ARRB1: variants seen among roughly 807,000 people sequenced by gnomAD.
ARRB1 encodes the protein beta-arrestin-1.
In ARRB1, 21 loss-of-function variants were observed where a neutral mutation model predicts 56.8. That is an observed-to-expected ratio of 0.37 (90% CI 0.26 to 0.53). ARRB1 has a LOEUF of 0.53. Among genes scored for constraint, ARRB1 ranks in the 20% least tolerant of loss-of-function variants. ARRB1 has a pLI of 0.88. For missense variants in ARRB1, 424 were observed against 553.7 expected (o/e 0.77, Z 2.35); for synonymous variants, 210 against 218.6 (o/e 0.96, Z 0.35).
chr11:75,283,447 C>T lies in ARRB1; in HGVS notation c.194G>A (p.Arg65Gln), dbSNP rs373743647. The T allele has an allele frequency of 1.2e-5, 20 of 1,613,638 alleles. No homozygotes were observed. The highest frequency in any genetic ancestry group is 1.5e-5 in the Non-Finnish European group (18 of 1,179,700). The change falls in exon 5 of 16, where the codon CGG (arginine) becomes CAG (glutamine). Residue 65 changes from arginine to glutamine, a missense_variant. Transcript: ENST00000420843. ...CAGGCCCAGGACATCCAGGTCCTCC[C>T]GGCCATAGCGGAAGGCGCAGGTCAG... ...VTLTCAFRYG[R>Q]EDLDVLGLTF...
intron 13 of ARRB1, among the ~76,000 whole-genome samples, chr11:75,269,368 C>G (rs944504474): frequency 2.6e-5 from 4 of 152,126 alleles, no homozygotes; most frequent in African/African-American, 9.7e-5. Context: ...ACTTCCAGGT[C>G]GGAGCTCCTC....
intron 5 of ARRB1, among the ~76,000 whole-genome samples, chr11:75,282,449 G>A (rs1183964408): frequency 6.6e-6 from 1 of 152,184 alleles, no homozygotes; most frequent in East Asian, 1.9e-4. Context: ...GTGGAAGCAG[G>A]GGGCAGAAAT....
At chr11:75,323,957 G>A (rs1947387362) in intron 1 of ARRB1, among the ~76,000 whole-genome samples, 1 of 151,984 alleles carries the variant, frequency 6.6e-6, no homozygotes, top group Non-Finnish European at 1.5e-5. Flanking sequence ...AATAGCATAG[G>A]AGATACTGAA....
At chr11:75,337,822 C>T (rs1391510259) in intron 1 of ARRB1, among the ~76,000 whole-genome samples, 3 of 91,012 alleles carry the variant, frequency 3.3e-5, no homozygotes, top group African/African-American at 4.3e-5. Context: ...TTTTTTGAGA[C>T]GGAGATTCAC....
chr11:75,339,370 G>T (rs1234638247), intron 1 of ARRB1, among the ~76,000 whole-genome samples: 2 of 152,208 alleles, frequency 1.3e-5, no homozygotes, highest in Non-Finnish European at 2.9e-5. Context: ...ATGCCCTGTG[G>T]CAGAACTTTC....
intron 1 of ARRB1, among the ~76,000 whole-genome samples, chr11:75,311,477 T>C (rs687652): frequency 0.21 from 32,625 of 152,162 alleles, 3,809 homozygotes; most frequent in African/African-American, 0.31. Flanking sequence ...TGAAGCACAA[T>C]GAAGAGTTTG....
At chr11:75,346,743 G>C (rs1565150107) in intron 1 of ARRB1, among the ~76,000 whole-genome samples, 1 of 152,122 alleles carries the variant, frequency 6.6e-6, no homozygotes, top group Non-Finnish European at 1.5e-5. Context: ...AGGCACTGGT[G>C]CTCTCCAAGG....
chr11:75,319,777 C>T (rs550993798), intron 1 of ARRB1, among the ~76,000 whole-genome samples: 35 of 152,230 alleles, frequency 2.3e-4, no homozygotes, highest in African/African-American at 7.9e-4. Flanking sequence ...GGAAAGGGAC[C>T]GTAAGGGTCC....
chr11:75,324,105 A>C (rs1446887538), intron 1 of ARRB1, among the ~76,000 whole-genome samples: 2 of 152,202 alleles, frequency 1.3e-5, no homozygotes, highest in African/African-American at 4.8e-5. Flanking sequence ...TAAATGATGA[A>C]ATTCTGGATG....
At chr11:75,340,299 CCA>C (rs890470283) in intron 1 of ARRB1, among the ~76,000 whole-genome samples, 29 of 152,194 alleles carry the variant, frequency 1.9e-4, no homozygotes, top group African/African-American at 6.5e-4. Context: ...AGAGCCAACC[CCA>C]GAGGCCTGCA....
chr11:75,284,316 C>T lies in ARRB1; in HGVS notation c.113-37G>A, dbSNP rs146908421. On this transcript the variant is annotated intron_variant, in intron 3 of 15. Transcript: ENST00000420843. ...ACAGAGAGTAAGCGGCCTCTCCCAACCTGGTCTCCCAAACCTCTGTGCCCC... is the reference window on the plus strand; with the variant it reads ...ACAGAGAGTAAGCGGCCTCTCCCAATCTGGTCTCCCAAACCTCTGTGCCCC... 2.9e-4 allele frequency: 457 copies of T among 1,580,114 alleles called. 1 individual carries two copies. The African/African-American group carries it at 5.6e-3, about 19-fold the overall frequency.
rs754534304 is a variant in ARRB1 at position 75,312,187 on chromosome 11, C to T, written c.21-22148G>A. On this transcript the variant is annotated intron_variant, in intron 1 of 15. Coordinates refer to ENST00000420843, the MANE Select transcript of ARRB1 (RefSeq NM_004041.5). ...CCTCCCCGGGGAGTGGTGAGCTCAG[C>T]CTTTCCCAGCAGCCGTCCCTAGGAA... The T allele has an allele frequency of 9.4e-5, 119 of 1,266,544 alleles. No individual in the cohort carries two copies. The Middle Eastern group carries it at 2.2e-3, about 23-fold the overall frequency. The allele number at this position is 1,266,544 out of a possible 1,614,324, so 78.5% of individuals were successfully genotyped here.
chr11:75,269,059 C>T, intron 13 of ARRB1, 100 bp from the exon 14 acceptor site: 2 of 1,332,888 alleles, frequency 1.5e-6, no homozygotes, highest in Non-Finnish European at 2.1e-6. Context: ...GAGGGTTTTG[C>T]CGTCAGAGGA....
chr11:75,290,013 C>T lies in ARRB1; in HGVS notation c.47G>A (p.Gly16Glu). The change falls in exon 2 of 16, where the codon GGA becomes GAA. Residue 16 changes from glycine (G) to glutamate (E), a missense_variant. Coordinates refer to ENST00000420843, the MANE Select transcript of ARRB1 (RefSeq NM_004041.5). Reference sequence around the variant, plus strand: ...GCGCAGCTGTTACAGACTCACCTTTCCATTTGGACTGGCCTTCTTGAACAC... The same window carrying T: ...GCGCAGCTGTTACAGACTCACCTTTTCATTTGGACTGGCCTTCTTGAACAC... ...TRVFKKASPN[G>E]KLTVYLGKRD... The T allele has an allele frequency of 6.2e-7, 1 of 1,614,232 alleles. No homozygotes were observed. Among genetic ancestry groups the T allele is most frequent in the South Asian group, 1.1e-5 (1 of 91,090 alleles).
At chr11:75,326,640 G>T (rs557246939) in intron 1 of ARRB1, among the ~76,000 whole-genome samples, 1 of 151,172 alleles carries the variant, frequency 6.6e-6, no homozygotes, top group Non-Finnish European at 1.5e-5. Flanking sequence ...CCCACACACC[G>T]TCTCCAGCAG....
chr11:75,267,761 G>A, intron 14 of ARRB1, 58 bp from the exon 15 acceptor site: 1 of 1,516,830 alleles, frequency 6.6e-7, no homozygotes, highest in Non-Finnish European at 9.1e-7. Flanking sequence ...TGAGCACGGG[G>A]CGAGTAAGCA....
At chr11:75,336,602 C>T (rs1056332588) in intron 1 of ARRB1, among the ~76,000 whole-genome samples, 1 of 152,168 alleles carries the variant, frequency 6.6e-6, no homozygotes, top group African/African-American at 2.4e-5. Context: ...GAGGGGTTTC[C>T]TGAGATGCGA....
intron 1 of ARRB1, among the ~76,000 whole-genome samples, chr11:75,320,625 T>TACCC (rs1947333459): frequency 6.6e-6 from 1 of 152,164 alleles, no homozygotes; most frequent in Admixed American, 6.5e-5. Flanking sequence ...CTCCACATGG[T>TACCC]AACTCCGATT....
intron 1 of ARRB1, among the ~76,000 whole-genome samples, chr11:75,317,863 C>T (rs989937110): frequency 2.6e-5 from 4 of 152,110 alleles, no homozygotes; most frequent in South Asian, 2.1e-4. Context: ...GAGGTTACCC[C>T]CTAGCCTGGG....
Sources: gnomAD v4.1 joint callset for allele counts (sites outside exome capture counted in the v4.1 genomes callset) on GRCh38, gnomAD v4.1.1 for gene constraint, MANE v1.5 for transcripts, NCBI Gene and HGNC (gene_info 2026-07-23, HGNC 2026-07-21) for gene names.